INSR: variants seen among roughly 807,000 people sequenced by gnomAD.
INSR encodes insulin receptor, also known as IR.
INSR carries 67 observed loss-of-function variants against 142.6 expected under a neutral mutation model. The ratio of observed to expected loss-of-function variants is 0.47; its 90% CI spans 0.39 to 0.58. The LOEUF (loss-of-function observed/expected upper bound fraction) is 0.58, where lower values mean the gene tolerates loss of function less well. INSR is among the 20% of genes least tolerant of loss of function. The probability of loss-of-function intolerance (pLI) is 0.00; values close to 1 mark genes in which losing one functional copy is unlikely to be tolerated. For missense variants in INSR, 1,248 were observed against 1,833.2 expected (o/e 0.68, Z 5.83); for synonymous variants, 756 against 743.1 (o/e 1.02, Z -0.28).
rs71177157 is a variant in INSR, at chr19:7,116,700, C to CAAA, written c.*353_*355dup. 3.0e-4 allele frequency: 15 copies of CAAA among 50,500 alleles called. 3 individuals are homozygous for CAAA. Among genetic ancestry groups the CAAA allele is most frequent in the East Asian group, 2.8e-3 (3 of 1,072 alleles). 3.1% of individuals were successfully genotyped at this position (50,500 alleles called of 1,614,324 possible). On this transcript the variant is annotated 3_prime_UTR_variant, in exon 22 of 22. Coordinates refer to ENST00000302850, the MANE Select transcript of INSR (RefSeq NM_000208.4). ...TTTTATACTGAAGCTCAGACACCAG[C>CAAA]AAAAAAAAAAAAAAAAAAAAAGAAT...
chr19:7,204,408 AT>A (rs1015308927), intron 2 of INSR, among the ~76,000 whole-genome samples: 3 of 151,914 alleles, frequency 2.0e-5, no homozygotes, highest in Admixed American at 1.3e-4. Context: ...TTCGTGTGTC[AT>A]CTCCATGCCA....
intron 1 of INSR, among the ~76,000 whole-genome samples, chr19:7,289,075 G>A (rs967766245): frequency 2.0e-5 from 3 of 152,096 alleles, no homozygotes; most frequent in Non-Finnish European, 4.4e-5. Context: ...GAAGAACTTA[G>A]GCACAGGTGA....
At chr19:7,221,652 G>C (rs959436459) in intron 2 of INSR, among the ~76,000 whole-genome samples, 1 of 150,804 alleles carries the variant, frequency 6.6e-6, no homozygotes, top group African/African-American at 2.4e-5. Flanking sequence ...AGGTTGCAGT[G>C]AGCCGAGATC....
At chr19:7,212,207 C>T (rs924569421) in intron 2 of INSR, among the ~76,000 whole-genome samples, 1 of 152,042 alleles carries the variant, frequency 6.6e-6, no homozygotes, top group African/African-American at 2.4e-5. Context: ...ACTTGGTGAG[C>T]GAGACTCTTG....
chr19:7,149,932 AGAAAGAAG>A lies in INSR; in HGVS notation c.2267+557_2267+564del, dbSNP rs780157706. Among the ~76,000 whole-genome samples the A allele has an allele frequency of 0.02, 2,685 of 136,272 alleles. 251 individuals carry two copies. In the East Asian group the frequency reaches 0.27, roughly 14 times the overall value. The allele number at this position is 136,272 out of a possible 152,430, so 89.4% of individuals were successfully genotyped here. A position where few individuals can be genotyped will look rare whatever the true frequency, so the allele number is the denominator to read the frequency against. Reference sequence around the variant, plus strand: ...AGGAAAGAAAGAAAGAAGGAAAAAAAGAAAGAAGGAAGGAAGGAAGGAAGGAAGGAAGG... The same window carrying A: ...AGGAAAGAAAGAAAGAAGGAAAAAAAGAAGGAAGGAAGGAAGGAAGGAAGG... On this transcript the variant is annotated intron_variant, in intron 11 of 21. Transcript: ENST00000302850.
At chr19:7,158,453 AT>A (rs1973668152) in intron 9 of INSR, among the ~76,000 whole-genome samples, 1 of 152,172 alleles carries the variant, frequency 6.6e-6, no homozygotes, top group Non-Finnish European at 1.5e-5. Context: ...GTGAGCCGAG[AT>A]CACGCCACTG....
At chr19:7,165,868 A>G (rs1202988132) in intron 8 of INSR, among the ~76,000 whole-genome samples, 1 of 100,476 alleles carries the variant, frequency 1.0e-5, no homozygotes, top group Non-Finnish European at 2.4e-5. Flanking sequence ...ATCTCAAAGA[A>G]AAAAAAAAAA....
chr19:7,276,044 G>C (rs1016188733), intron 1 of INSR, among the ~76,000 whole-genome samples: 1 of 152,094 alleles, frequency 6.6e-6, no homozygotes, highest in South Asian at 2.1e-4. Context: ...GATGGGTTGG[G>C]AGCAGGGCAG....
chr19:7,291,787 A>G (rs1968498896), intron 1 of INSR, among the ~76,000 whole-genome samples: 1 of 151,970 alleles, frequency 6.6e-6, no homozygotes, highest in South Asian at 2.1e-4. Flanking sequence ...GAAACCACTC[A>G]TCTTGGATTT....
chr19:7,237,699 C>G (rs1029797877), intron 2 of INSR, among the ~76,000 whole-genome samples: 7 of 151,766 alleles, frequency 4.6e-5, no homozygotes, highest in Non-Finnish European at 1.0e-4. Flanking sequence ...GCCTGTAGTC[C>G]CAGCAACTCG....
At chr19:7,238,314 G>C (rs564810816) in intron 2 of INSR, among the ~76,000 whole-genome samples, 2 of 152,158 alleles carry the variant, frequency 1.3e-5, no homozygotes, top group African/African-American at 4.8e-5. Context: ...ACTTTCCATT[G>C]ATGCAACAGA....
At chr19:7,215,556 G>GTATCTATT (rs1555753803) in intron 2 of INSR, among the ~76,000 whole-genome samples, 1 of 148,292 alleles carries the variant, frequency 6.7e-6, no homozygotes, top group Non-Finnish European at 1.5e-5. Context: ...TCCTTTTCCT[G>GTATCTATT]TATTTATTTA....
At chr19:7,228,504 G>A (rs1018626874) in intron 2 of INSR, among the ~76,000 whole-genome samples, 2 of 152,174 alleles carry the variant, frequency 1.3e-5, no homozygotes, top group African/African-American at 4.8e-5. Flanking sequence ...TCAGAAATGA[G>A]ACTGGGCTGA....
chr19:7,203,597 G>A (rs372590290), intron 2 of INSR, among the ~76,000 whole-genome samples: 9 of 152,082 alleles, frequency 5.9e-5, no homozygotes, highest in African/African-American at 2.2e-4. Context: ...AGTATATGGC[G>A]GTCTTGAATG....
At chr19:7,136,060 C>T (rs747533200) in intron 13 of INSR, among the ~76,000 whole-genome samples, 8 of 152,156 alleles carry the variant, frequency 5.3e-5, no homozygotes, top group East Asian at 1.9e-4. Flanking sequence ...ATGAGGGTTC[C>T]GATTTCTCCT....
rs1975737877 is a variant in INSR at position 7,225,033 on chromosome 19, G to A, written c.653-40396C>T. ...ATCCCATTAAGGCAGCAGGGCAGCA[G>A]CAAAGAGGAGAGAGGAGGGGAGAGG... On this transcript the variant is annotated intron_variant, in intron 2 of 21. Coordinates refer to ENST00000302850, the MANE Select transcript of INSR (RefSeq NM_000208.4). The surrounding 1 kb of genome is among the most constrained non-coding windows in gnomAD (Gnocchi z 4.7). 6.6e-6 allele frequency among the ~76,000 whole-genome samples: 1 copy of A among 152,150 alleles called. No homozygotes were observed. The highest frequency in any genetic ancestry group is 1.5e-5 in the Non-Finnish European group (1 of 68,020).
At chr19:7,280,952 G>A (rs1165598503) in intron 1 of INSR, among the ~76,000 whole-genome samples, 1 of 152,068 alleles carries the variant, frequency 6.6e-6, no homozygotes, top group East Asian at 1.9e-4. Context: ...AGTATGAAAG[G>A]CCAGGGACTA....
chr19:7,188,246 T>C (rs997008115), intron 2 of INSR, among the ~76,000 whole-genome samples: 1 of 152,102 alleles, frequency 6.6e-6, no homozygotes, highest in Non-Finnish European at 1.5e-5. Context: ...CATGGATCAC[T>C]CTTGAAAATT....
chr19:7,217,032 T>C (rs1975457853), intron 2 of INSR, among the ~76,000 whole-genome samples: 1 of 150,648 alleles, frequency 6.6e-6, no homozygotes, highest in Non-Finnish European at 1.5e-5. Context: ...GGGGTCTTGC[T>C]ATGTTGCCCA....
Sources: allele counts gnomAD v4.1 joint callset (sites outside exome capture counted in the v4.1 genomes callset), GRCh38; gene constraint gnomAD v4.1.1; non-coding constraint Gnocchi (gnomAD v3.1); transcripts MANE v1.5; gene names NCBI Gene and HGNC (gene_info 2026-07-23, HGNC 2026-07-21).